The following STAMBPL1 variants were observed in gnomAD, a reference collection of about 807,000 sequenced individuals.
STAMBPL1 encodes AMSH-like protease.
A neutral mutation model predicts 52.9 loss-of-function variants in STAMBPL1; 44 were observed. The ratio of observed to expected loss-of-function variants is 0.83; its 90% CI spans 0.65 to 1.07. The LOEUF is 1.07. STAMBPL1 is among the 50% of genes least tolerant of loss of function. The probability of loss-of-function intolerance (pLI) is 0.00; values close to 1 mark genes in which losing one functional copy is unlikely to be tolerated. For missense variants in STAMBPL1, 511 were observed against 520.8 expected (o/e 0.98, Z 0.18); for synonymous variants, 164 against 177.3 (o/e 0.92, Z 0.60).
chr10:88,899,263 T>A (rs1311067227), intron 1 of STAMBPL1, among the ~76,000 whole-genome samples: 2 of 152,210 alleles, frequency 1.3e-5, no homozygotes, highest in East Asian at 1.9e-4. Flanking sequence ...CTCAAAGTAT[T>A]GTTTGGAAAC....
At chr10:88,898,134 C>T (rs1479011968) in intron 1 of STAMBPL1, among the ~76,000 whole-genome samples, 1 of 152,010 alleles carries the variant, frequency 6.6e-6, no homozygotes, top group Non-Finnish European at 1.5e-5. Flanking sequence ...CTTGGAACCC[C>T]TTTACACTCT....
At chr10:88,887,230 A>G (rs895410482) in intron 1 of STAMBPL1, among the ~76,000 whole-genome samples, 6 of 152,192 alleles carry the variant, frequency 3.9e-5, no homozygotes, top group African/African-American at 1.2e-4. Flanking sequence ...AAAGTACTTA[A>G]GCTAAATAAA....
chr10:88,923,279 T>G lies in STAMBPL1; in HGVS notation c.*55T>G. 1 of 1,526,544 alleles carries G rather than the reference T, an allele frequency of 6.6e-7. No homozygotes were observed. Among genetic ancestry groups the G allele is most frequent in the Non-Finnish European group, 8.7e-7 (1 of 1,143,670 alleles). 94.6% of individuals were successfully genotyped at this position (1,526,544 alleles called of 1,614,324 possible). A position where few individuals can be genotyped will look rare whatever the true frequency, so the allele number is the denominator to read the frequency against. ...CAGACACCTACTCATGGACATGTGGTTGCCGGATTTTCTTAAGATGTTTCC... is the reference window on the plus strand; with the variant it reads ...CAGACACCTACTCATGGACATGTGGGTGCCGGATTTTCTTAAGATGTTTCC... On this transcript the variant is annotated 3_prime_UTR_variant, in exon 11 of 11. Coordinates refer to ENST00000371926, the MANE Select transcript of STAMBPL1 (RefSeq NM_020799.4).
At chr10:88,885,300 T>C (rs117970080) in intron 1 of STAMBPL1, among the ~76,000 whole-genome samples, 2,019 of 152,354 alleles carry the variant, frequency 0.013, 34 homozygotes, top group South Asian at 0.078. Context: ...TCCTCTCTAA[T>C]GTAGATCTGC....
intron 1 of STAMBPL1, among the ~76,000 whole-genome samples, chr10:88,892,034 G>T (rs1329436000): frequency 1.3e-5 from 2 of 151,946 alleles, no homozygotes; most frequent in East Asian, 3.9e-4. Flanking sequence ...AAAAAAAAAG[G>T]TGTCTTATAG....
chr10:88,915,792 T>C (rs1311539305), intron 7 of STAMBPL1, among the ~76,000 whole-genome samples: 1 of 152,096 alleles, frequency 6.6e-6, no homozygotes, highest in African/African-American at 2.4e-5. Context: ...TCTAACCTTG[T>C]CTGAGGGGTC....
At chr10:88,921,206 G>T in intron 8 of STAMBPL1, 77 bp from the exon 9 acceptor site, 1 of 1,134,188 alleles carries the variant, frequency 8.8e-7, no homozygotes, top group African/African-American at 1.6e-5. Context: ...AAAAAAAACA[G>T]AGTTTTCTAT....
At chr10:88,884,480 G>A (rs1844480641) in intron 1 of STAMBPL1, among the ~76,000 whole-genome samples, 1 of 152,196 alleles carries the variant, frequency 6.6e-6, no homozygotes, top group South Asian at 2.1e-4. Flanking sequence ...ATTAGTATTA[G>A]GGAGTGAAGG....
At position 88,910,903 on chromosome 10, in the gene STAMBPL1, A is replaced by G. The variant is rs756587207; in HGVS notation, c.325-13A>G. ...AAATCCCACTAATCAATATGTATAT[A>G]TATTTTTAAAAGAAACTGAAGGAGA... On this transcript the variant is annotated splice_polypyrimidine_tract_variant and intron_variant, in intron 4 of 10. Transcript: ENST00000371926. The G allele has an allele frequency of 1.7e-5, 26 of 1,553,612 alleles. No homozygotes were observed. The highest frequency in any genetic ancestry group is 8.3e-5 in the African/African-American group (6 of 72,104).
At chr10:88,921,854 G>A (rs971137028) in intron 9 of STAMBPL1, among the ~76,000 whole-genome samples, 2 of 152,066 alleles carry the variant, frequency 1.3e-5, no homozygotes, top group Non-Finnish European at 2.9e-5. Flanking sequence ...GACCACTGTG[G>A]GTCTCTGCCT....
intron 1 of STAMBPL1, chr10:88,882,132 A>G (rs903621552): frequency 2.0e-5 from 3 of 152,234 alleles, no homozygotes; most frequent in Admixed American, 2.0e-4. Flanking sequence ...ATCCTCACCT[A>G]TAAAGTAAGC....
rs186787605 is a variant in STAMBPL1, at chr10:88,921,679, T to C, written c.1154+284T>C. Among the ~76,000 whole-genome samples the C allele has an allele frequency of 1.0e-3, 155 of 152,318 alleles. 2 individuals are homozygous for C. The highest frequency in any genetic ancestry group is 3.4e-3 in the African/African-American group (141 of 41,574). On this transcript the variant is annotated intron_variant, in intron 9 of 10. Coordinates refer to ENST00000371926, the MANE Select transcript of STAMBPL1 (RefSeq NM_020799.4). ...TAGCCTTTTTAGGACTTATTTCTAC[T>C]GTATTATGTTCTACCATAAGAAATG... is the stretch of plus-strand genomic sequence containing the variant.
chr10:88,893,101 T>C (rs972120882), intron 1 of STAMBPL1, among the ~76,000 whole-genome samples: 3 of 152,180 alleles, frequency 2.0e-5, no homozygotes, highest in African/African-American at 7.2e-5. Flanking sequence ...TCCAGGAATG[T>C]TTAGTATTTT....
chr10:88,909,444 A>G (rs1301474989), intron 4 of STAMBPL1, among the ~76,000 whole-genome samples: 2 of 152,224 alleles, frequency 1.3e-5, no homozygotes, highest in Non-Finnish European at 2.9e-5. Context: ...GAAGGAAGAT[A>G]AAATCATGTA....
intron 7 of STAMBPL1, among the ~76,000 whole-genome samples, chr10:88,915,989 G>A (rs1845359605): frequency 1.3e-5 from 2 of 152,194 alleles, no homozygotes; most frequent in South Asian, 2.1e-4. Flanking sequence ...GGGGAAGATA[G>A]CCTCTCATTG....
intron 6 of STAMBPL1, among the ~76,000 whole-genome samples, chr10:88,913,937 G>A (rs913749831): frequency 3.9e-5 from 6 of 152,180 alleles, no homozygotes; most frequent in Non-Finnish European, 7.3e-5. Context: ...AATGGACCGT[G>A]TGTTTCCGCA....
intron 7 of STAMBPL1, among the ~76,000 whole-genome samples, chr10:88,916,231 C>T (rs1156790592): frequency 6.6e-6 from 1 of 151,942 alleles, no homozygotes; most frequent in African/African-American, 2.4e-5. Flanking sequence ...ACAAAACCAT[C>T]AACCTTCACA....
At position 88,921,372 on chromosome 10, in the gene STAMBPL1, TG is replaced by T; in HGVS notation, c.1132del (p.Val378PhefsTer48). 1 of 1,613,170 alleles carries T rather than the reference TG, an allele frequency of 6.2e-7. No individual in the cohort carries two copies. The highest frequency in any genetic ancestry group is 8.5e-7 in the Non-Finnish European group (1 of 1,179,354). ...TCATGTTGCCAGAGGCCATTGCCAT[TG>T]TTTGCTCACCAAAGCATAAAGAGTA... ...QLMLPEAIAI[V>X]CSPKHKDTGI... On this transcript the variant is annotated frameshift_variant, in exon 9 of 11. Coordinates refer to ENST00000371926, the MANE Select transcript of STAMBPL1 (RefSeq NM_020799.4). LOFTEE classifies it high-confidence loss of function.
chr10:88,885,380 A>G (rs1844506284), intron 1 of STAMBPL1, among the ~76,000 whole-genome samples: 2 of 152,188 alleles, frequency 1.3e-5, no homozygotes, highest in South Asian at 4.1e-4. Flanking sequence ...TTTGTAAGTA[A>G]TGTTTTTATT....
Sources: allele counts gnomAD v4.1 joint callset (sites outside exome capture counted in the v4.1 genomes callset), GRCh38; gene constraint gnomAD v4.1.1; transcripts MANE v1.5; gene names NCBI Gene and HGNC (gene_info 2026-07-23, HGNC 2026-07-21).